The following NMNAT3 variants were observed in gnomAD, a reference collection of about 807,000 sequenced individuals.
NMNAT3 encodes the protein nicotinamide nucleotide adenylyltransferase 3, also known as nicotinamide/nicotinic acid mononucleotide adenylyltransferase 3.
A neutral mutation model predicts 24.8 loss-of-function variants in NMNAT3; 21 were observed. That is an observed-to-expected ratio of 0.85 (90% CI 0.60 to 1.22). NMNAT3 has a LOEUF of 1.22. NMNAT3 is among the 50% of genes most tolerant of loss of function. The pLI is 0.00. For missense variants in NMNAT3, 387 were observed against 436.6 expected, an observed-to-expected ratio of 0.89 and a Z score of 1.01; for synonymous variants, 136 against 155.2, an observed-to-expected ratio of 0.88 and a Z score of 0.92.
At chr3:139,619,307 T>C (rs1463429124) in intron 3 of NMNAT3, among the ~76,000 whole-genome samples, 1 of 152,092 alleles carries the variant, frequency 6.6e-6, no homozygotes, top group African/African-American at 2.4e-5. Context: ...CTCTCAAAAA[T>C]GACCAAGTAC....
In NMNAT3 at chr3:139,654,985, C is replaced by T. The variant is rs563813588; in HGVS notation, c.-140-16923G>A. On this transcript the variant is annotated intron_variant, in intron 1 of 6. Transcript: ENST00000643695. ...CTGGCACAAATGGAAACACAGGGAG[C>T]CTAGGTGGGCAGAGGAGAGCCCTAG... 2.0e-5 allele frequency among the ~76,000 whole-genome samples: 3 copies of T among 152,242 alleles called. No individual in the cohort carries two copies. In the South Asian group the frequency reaches 6.2e-4, roughly 32 times the overall value.
At chr3:139,625,295 CTT>C (rs909832338) in intron 3 of NMNAT3, among the ~76,000 whole-genome samples, 15 of 152,266 alleles carry the variant, frequency 9.9e-5, no homozygotes, top group African/African-American at 3.6e-4. Context: ...CAGTCTGCCT[CTT>C]TGCAGAAGTT....
chr3:139,615,236 C>T (rs2055428791), intron 3 of NMNAT3, among the ~76,000 whole-genome samples: 1 of 152,016 alleles, frequency 6.6e-6, no homozygotes, highest in Non-Finnish European at 1.5e-5. Context: ...ATTTTCCATC[C>T]CCAGCCCCAG....
intron 3 of NMNAT3, among the ~76,000 whole-genome samples, chr3:139,618,548 T>G (rs1448002990): frequency 6.6e-6 from 1 of 152,216 alleles, no homozygotes; most frequent in Non-Finnish European, 1.5e-5. Flanking sequence ...TAATTTCTAT[T>G]TAAAGTTACT....
chr3:139,564,090 C>T (rs1936826565), intron 6 of NMNAT3, among the ~76,000 whole-genome samples: 1 of 152,212 alleles, frequency 6.6e-6, no homozygotes, highest in Non-Finnish European at 1.5e-5. Flanking sequence ...AACTTTAAAT[C>T]TGCTGGTACC....
intron 6 of NMNAT3, chr3:139,570,933 C>T (rs1938179043): frequency 6.5e-6 from 1 of 153,350 alleles, no homozygotes; most frequent in Non-Finnish European, 1.4e-5. Flanking sequence ...TGTGTCCTGC[C>T]CCCAGAGGTG....
intron 2 of NMNAT3, among the ~76,000 whole-genome samples, chr3:139,632,836 G>A (rs1434424703): frequency 6.6e-6 from 1 of 152,178 alleles, no homozygotes; most frequent in Non-Finnish European, 1.5e-5. Context: ...CTTGGAACCT[G>A]TGAATATGTT....
At chr3:139,596,168 C>T (rs1054164810) in intron 3 of NMNAT3, among the ~76,000 whole-genome samples, 8 of 152,128 alleles carry the variant, frequency 5.3e-5, no homozygotes, top group African/African-American at 1.9e-4. Flanking sequence ...GTCTATCTGT[C>T]CCTTATGGGC....
intron 1 of NMNAT3, among the ~76,000 whole-genome samples, chr3:139,671,618 TCA>T (rs140979498): frequency 2.7e-5 from 4 of 150,634 alleles, no homozygotes; most frequent in African/African-American, 7.3e-5. Context: ...TCTCTCTCTC[TCA>T]CACACACACA....
intron 4 of NMNAT3, among the ~76,000 whole-genome samples, chr3:139,581,742 A>G (rs1280411579): frequency 2.6e-5 from 4 of 152,202 alleles, no homozygotes; most frequent in Admixed American, 1.3e-4. Context: ...GAGAAAGATG[A>G]TAAAAGTCAG....
At chr3:139,637,112 C>T (rs967732217) in intron 2 of NMNAT3, 7 of 152,164 alleles carry the variant, frequency 4.6e-5, no homozygotes, top group South Asian at 2.1e-4. Flanking sequence ...ACTTTCTAAC[C>T]GAGTTACCTT....
At chr3:139,630,172 G>A (rs1036432960) in intron 2 of NMNAT3, among the ~76,000 whole-genome samples, 5 of 152,176 alleles carry the variant, frequency 3.3e-5, no homozygotes, top group African/African-American at 9.7e-5. Flanking sequence ...TCTTAATCAA[G>A]AACACAAGAG....
chr3:139,675,004 C>T (rs984112215), intron 1 of NMNAT3, among the ~76,000 whole-genome samples: 10 of 152,072 alleles, frequency 6.6e-5, no homozygotes, highest in Non-Finnish European at 1.3e-4. Flanking sequence ...GAAAGTCACA[C>T]GAGCAATTTT....
rs756315990 is a variant in NMNAT3 at position 139,578,756 on chromosome 3, G to A, written c.575+116C>T. 2.6e-4 allele frequency: 216 copies of A among 825,610 alleles called. 2 individuals are homozygous for A. Among genetic ancestry groups the A allele is most frequent in the Non-Finnish European group, 5.5e-5 (30 of 548,996 alleles). 51.1% of individuals were successfully genotyped at this position (825,610 alleles called of 1,614,324 possible). A position where few individuals can be genotyped will look rare whatever the true frequency, so the allele number is the denominator to read the frequency against. On this transcript the variant is annotated intron_variant, in intron 5 of 6. Transcript: ENST00000643695. ...AGTAGAAACTGCTTCTTGGATATTT[G>A]CTGAGAAGGTCTGGCAGAAACCCAG...
chr3:139,653,831 C>G (rs1044839997), intron 1 of NMNAT3, among the ~76,000 whole-genome samples: 1 of 152,234 alleles, frequency 6.6e-6, no homozygotes. Flanking sequence ...CACGTTGTAA[C>G]TCGAACCTGG....
At chr3:139,612,654 T>C (rs1227928994) in intron 3 of NMNAT3, among the ~76,000 whole-genome samples, 2 of 152,160 alleles carry the variant, frequency 1.3e-5, no homozygotes, top group Non-Finnish European at 2.9e-5. Flanking sequence ...TGCTGAGAGA[T>C]TCTAGCAGTT....
chr3:139,673,701 T>A (rs2057831753), intron 1 of NMNAT3, among the ~76,000 whole-genome samples: 1 of 151,998 alleles, frequency 6.6e-6, no homozygotes, highest in African/African-American at 2.4e-5. Flanking sequence ...GCAGACTCCA[T>A]GAGGGTCAGG....
intron 3 of NMNAT3, among the ~76,000 whole-genome samples, chr3:139,599,753 T>C (rs1273748282): frequency 6.6e-6 from 1 of 152,194 alleles, no homozygotes; most frequent in Non-Finnish European, 1.5e-5. Context: ...CATCTTTTTT[T>C]GTTTCTCCAG....
chr3:139,642,784 A>C (rs2056749916), intron 1 of NMNAT3, among the ~76,000 whole-genome samples: 1 of 152,096 alleles, frequency 6.6e-6, no homozygotes, highest in South Asian at 2.1e-4. Flanking sequence ...TCAGAGGGTG[A>C]GGAAGCCCTG....
Sources: gnomAD v4.1 joint callset for allele counts (sites outside exome capture counted in the v4.1 genomes callset) on GRCh38, gnomAD v4.1.1 for gene constraint, MANE v1.5 for transcripts, NCBI Gene and HGNC (gene_info 2026-07-23, HGNC 2026-07-21) for gene names.